ZC3H12B: variants seen among roughly 807,000 people sequenced by gnomAD.
ZC3H12B encodes probable ribonuclease ZC3H12B.
ZC3H12B carries 7 observed loss-of-function variants against 43.9 expected under a neutral mutation model. The observed-to-expected ratio is 0.16, with a 90% CI of 0.09 to 0.30. The LOEUF (loss-of-function observed/expected upper bound fraction) is 0.30. ZC3H12B is among the 10% of genes least tolerant of loss of function. The pLI is 1.00. For synonymous variants in ZC3H12B, 222 were observed against 241.7 expected, an observed-to-expected ratio of 0.92 and a Z score of 0.76; for missense variants, 475 against 670.2, an observed-to-expected ratio of 0.71 and a Z score of 3.22.
intron 3 of ZC3H12B, among the ~76,000 whole-genome samples, chrX:65,438,296 C>A (rs1357644660): frequency 1.8e-5 from 2 of 111,878 alleles, no homozygotes; most frequent in Non-Finnish European, 3.8e-5. Context: ...TGCATTGAAT[C>A]TGTACCTTAC....
the ZC3H12B span, among the ~76,000 whole-genome samples, chrX:65,196,896 C>A: frequency 1.8e-5 from 2 of 111,951 alleles, no homozygotes; most frequent in Non-Finnish European, 3.8e-5. Flanking sequence ...CTGTCTTAAG[C>A]AGGCTGAATT....
the ZC3H12B span, among the ~76,000 whole-genome samples, chrX:65,123,704 G>A: frequency 9.4e-6 from 1 of 106,164 alleles, no homozygotes. Context: ...TCTTGGGTAG[G>A]TAGATTCCTA....
chrX:65,489,143 T>A, exon 1 of ZC3H12B: 1 of 1,211,868 alleles, frequency 8.3e-7, no homozygotes, highest in Non-Finnish European at 1.1e-6. Flanking sequence ...AGATGGAGTT[T>A]GCGCTAAAGC....
chrX:65,119,448 C>T, the ZC3H12B span, among the ~76,000 whole-genome samples: 12 of 112,090 alleles, frequency 1.1e-4, no homozygotes, highest in Non-Finnish European at 1.7e-4. Context: ...TAAATGTCTT[C>T]TTTTGAGAAG....
the ZC3H12B span, among the ~76,000 whole-genome samples, chrX:65,075,545 C>T: frequency 3.6e-4 from 40 of 112,089 alleles, no homozygotes; most frequent in African/African-American, 1.2e-3. Context: ...ACCCATTTCT[C>T]AAGCAGTCCC....
the ZC3H12B span, among the ~76,000 whole-genome samples, chrX:65,088,709 C>T: frequency 1.8e-5 from 2 of 111,543 alleles, no homozygotes; most frequent in Middle Eastern, 4.2e-3. Flanking sequence ...AATTCTAATT[C>T]CTCTTCTACC....
chrX:65,271,706 G>A, the ZC3H12B span: 1 of 114,660 alleles, frequency 8.7e-6, no homozygotes, highest in Non-Finnish European at 1.8e-5. Context: ...TACCACTGTG[G>A]ATCTTAGGGA....
chrX:65,117,503 C>G, the ZC3H12B span, among the ~76,000 whole-genome samples: 1 of 111,638 alleles, frequency 9.0e-6, no homozygotes, highest in Non-Finnish European at 1.9e-5. Flanking sequence ...TTCTCCCATT[C>G]TGTAGGTTTC....
the ZC3H12B span, among the ~76,000 whole-genome samples, chrX:65,334,491 T>G: frequency 8.9e-6 from 1 of 112,312 alleles, no homozygotes; most frequent in Non-Finnish European, 1.9e-5. Flanking sequence ...ATTGTTTTTA[T>G]TTTTCAAAGA....
chrX:65,389,234 G>T (rs1238040419), intron 2 of ZC3H12B, among the ~76,000 whole-genome samples: 1 of 112,427 alleles, frequency 8.9e-6, no homozygotes, highest in Non-Finnish European at 1.9e-5. Context: ...GCCCCCAGAG[G>T]TGGAGTCTAC....
At chrX:65,144,093 A>G in the ZC3H12B span, among the ~76,000 whole-genome samples, 44 of 111,227 alleles carry the variant, frequency 4.0e-4, no homozygotes, top group Non-Finnish European at 6.6e-4. Flanking sequence ...TTTTCTTTGA[A>G]TGTCTGGTAG....
chrX:65,130,039 C>T, the ZC3H12B span, among the ~76,000 whole-genome samples: 17 of 111,400 alleles, frequency 1.5e-4, no homozygotes, highest in Non-Finnish European at 3.2e-4. Flanking sequence ...ATTGGGAGGA[C>T]CCAGGACATT....
At chrX:65,467,110 C>G (rs1250169487) in intron 3 of ZC3H12B, among the ~76,000 whole-genome samples, 2 of 103,557 alleles carry the variant, frequency 1.9e-5, no homozygotes, top group African/African-American at 6.9e-5. Flanking sequence ...ACAATCTACC[C>G]CATTCTGAGA....
chrX:65,117,493 T>C, the ZC3H12B span, among the ~76,000 whole-genome samples: 1 of 112,142 alleles, frequency 8.9e-6, no homozygotes, highest in Non-Finnish European at 1.9e-5. Context: ...TGTAAAAATT[T>C]TCTCCCATTC....
At chrX:65,174,851 T>C in the ZC3H12B span, among the ~76,000 whole-genome samples, 1 of 110,741 alleles carries the variant, frequency 9.0e-6, no homozygotes, top group African/African-American at 3.3e-5. Context: ...CTTGGCTCCC[T>C]GCCTTCAGCC....
chrX:65,078,053 A>T, the ZC3H12B span, among the ~76,000 whole-genome samples: 2 of 111,848 alleles, frequency 1.8e-5, no homozygotes, highest in Non-Finnish European at 3.8e-5. Context: ...TTGCATTTTG[A>T]ATGTGAGAGA....
the ZC3H12B span, among the ~76,000 whole-genome samples, chrX:65,334,747 G>A: frequency 6.3e-5 from 7 of 111,363 alleles, no homozygotes; most frequent in African/African-American, 2.3e-4. Flanking sequence ...CTAATAAGCA[G>A]GCACAACTGG....
the ZC3H12B span, among the ~76,000 whole-genome samples, chrX:65,188,524 T>C: frequency 1.8e-5 from 2 of 110,916 alleles, no homozygotes; most frequent in Middle Eastern, 4.7e-3. Flanking sequence ...TGGGGTGAGA[T>C]TATGTCTTAT....
At chrX:65,495,560 T>C (rs1293991745) in intron 1 of ZC3H12B, among the ~76,000 whole-genome samples, 1 of 112,164 alleles carries the variant, frequency 8.9e-6, no homozygotes, top group Non-Finnish European at 1.9e-5. Context: ...AGCCACTTGA[T>C]TGTAGTAGAA....
Sources: gnomAD v4.1 joint callset for allele counts (sites outside exome capture counted in the v4.1 genomes callset) on GRCh38, gnomAD v4.1.1 for gene constraint, MANE v1.5 for transcripts, NCBI Gene and HGNC (gene_info 2026-07-23, HGNC 2026-07-21) for gene names.